The following EIF5B variants were observed in gnomAD, a reference collection of about 807,000 sequenced individuals.
The protein encoded by EIF5B is eukaryotic translation initiation factor 5B, also known as eIF-5B.
A neutral mutation model predicts 147.5 loss-of-function variants in EIF5B; 47 were observed. The observed-to-expected ratio is 0.32, with a 90% CI of 0.25 to 0.41. EIF5B has a LOEUF of 0.41. Ranked by LOEUF, EIF5B falls within the 10% of genes least tolerant of loss-of-function variation. The pLI is 1.00. For synonymous variants in EIF5B, 455 were observed against 456.2 expected (o/e 1.00, Z 0.03); for missense variants, 1,064 against 1,413.2 (o/e 0.75, Z 3.96).
chr2:99,350,390 T>C (rs1055619122), intron 1 of EIF5B, among the ~76,000 whole-genome samples: 1 of 121,724 alleles, frequency 8.2e-6, no homozygotes, highest in African/African-American at 3.1e-5. Context: ...TGTACTAATT[T>C]ACATTTCCCC....
At chr2:99,364,002 AT>A in intron 5 of EIF5B, 140 bp downstream of exon 5, 1 of 1,065,462 alleles carries the variant, frequency 9.4e-7, no homozygotes, top group Non-Finnish European at 1.3e-6. Flanking sequence ...GATACAAATA[AT>A]AAGATGAAGA....
chr2:99,353,005 C>CTTTTTTT (rs529053292), intron 1 of EIF5B, among the ~76,000 whole-genome samples: 3,517 of 62,690 alleles, frequency 0.056, 616 homozygotes, highest in Middle Eastern at 0.083. Flanking sequence ...TCTTCTTCTT[C>CTTTTTTT]TTTTTTTTTT....
Position 99,379,396 on chromosome 2 carries a change from G to A in EIF5B, c.2029G>A (p.Ala677Thr). ...QIGATNVPLEAINEQTKMIKN... is the reference protein window; with the variant it reads ...QIGATNVPLETINEQTKMIKN... ...TGGGGCCACCAATGTTCCTCTTGAA[G>A]CTATTAATGAACAGACTAAGATGAT... Residue 677 changes from alanine to threonine, a missense_variant, in exon 12 of 24, where the codon GCT becomes ACT. Around this residue, in one of 4 missense-constraint regions of EIF5B, gnomAD observed 380 missense variants for 715.6 expected, o/e 0.53. Transcript: ENST00000289371. The A allele has an allele frequency of 6.2e-7, 1 of 1,613,408 alleles. No homozygotes were observed. The highest frequency in any genetic ancestry group is 1.1e-5 in the South Asian group (1 of 91,026).
rs755143191 is a variant in EIF5B at position 99,398,895 on chromosome 2, A to G, written c.3541A>G (p.Ile1181Val). The part of the protein sequence containing the change: ...MFGRHFEATD[I>V]LVSKISRQSI... The stretch of plus-strand genomic sequence containing the variant: ...TGGAAGACATTTTGAAGCTACAGAT[A>G]TTCTTGTTAGTAAGGTAAGTATTTC... Residue 1181 changes from isoleucine to valine, a missense_variant, in exon 23 of 24, where the codon ATT becomes GTT. Physicochemically the swap from Ile to Val is conservative, Grantham distance 29. Transcript: ENST00000289371. 1 of 1,612,966 alleles carries G rather than the reference A, an allele frequency of 6.2e-7. No homozygotes were observed. The highest frequency in any genetic ancestry group is 1.1e-5 in the South Asian group (1 of 90,570).
At chr2:99,396,552 A>G (rs907946623) in intron 21 of EIF5B, among the ~76,000 whole-genome samples, 1 of 152,212 alleles carries the variant, frequency 6.6e-6, no homozygotes, top group Non-Finnish European at 1.5e-5. Flanking sequence ...GGGAAGCAAC[A>G]GAATGGGGAG....
At chr2:99,367,465 G>A (rs1271662132) in intron 6 of EIF5B, among the ~76,000 whole-genome samples, 1 of 148,922 alleles carries the variant, frequency 6.7e-6, no homozygotes, top group East Asian at 2.0e-4. Context: ...TTGAGACAGA[G>A]TTTCGCTATT....
intron 1 of EIF5B, among the ~76,000 whole-genome samples, chr2:99,342,860 C>T (rs954979367): frequency 2.0e-5 from 3 of 152,168 alleles, no homozygotes; most frequent in African/African-American, 7.2e-5. Context: ...TCTTCAGCTC[C>T]TGGCCTCAAG....
chr2:99,379,072 T>G lies in EIF5B; in HGVS notation c.1896T>G (p.Pro632=). ...KNVNTEKLRA[P]IICVLGHVDT... ...TAAACACCGAAAAGCTAAGAGCCCCTATTATCTGCGTACTTGGGCATGTGG... is the reference window on the plus strand; with the variant it reads ...TAAACACCGAAAAGCTAAGAGCCCCGATTATCTGCGTACTTGGGCATGTGG... Residue 632 remains proline (P), a synonymous_variant, in exon 11 of 24, where the codon CCT becomes CCG. Coordinates refer to ENST00000289371, the MANE Select transcript of EIF5B (RefSeq NM_015904.4). 6.2e-7 allele frequency: 1 copy of G among 1,606,024 alleles called. No homozygotes were observed. The highest frequency in any genetic ancestry group is 8.5e-7 in the Non-Finnish European group (1 of 1,176,986).
At chr2:99,384,597 T>G (rs1475879772) in intron 14 of EIF5B, among the ~76,000 whole-genome samples, 1 of 152,268 alleles carries the variant, frequency 6.6e-6, no homozygotes, top group Non-Finnish European at 1.5e-5. Flanking sequence ...TTCACCCTTC[T>G]GGATGTTATG....
chr2:99,388,436 G>T (rs201089607), intron 14 of EIF5B, among the ~76,000 whole-genome samples: 9 of 151,654 alleles, frequency 5.9e-5, no homozygotes, highest in South Asian at 2.1e-4. Flanking sequence ...TGTTTTTTTG[G>T]TTTTTTTGTC....
At chr2:99,384,611 A>T (rs1344652411) in intron 14 of EIF5B, among the ~76,000 whole-genome samples, 4 of 152,260 alleles carry the variant, frequency 2.6e-5, no homozygotes, top group African/African-American at 9.6e-5. Context: ...TGTTATGAAG[A>T]ACGTTCATGA....
intron 1 of EIF5B, among the ~76,000 whole-genome samples, chr2:99,359,949 A>C (rs1458861408): frequency 1.3e-5 from 2 of 152,124 alleles, no homozygotes; most frequent in East Asian, 3.8e-4. Flanking sequence ...CGCACAAAAA[A>C]CCTTTGGTAT....
intron 1 of EIF5B, among the ~76,000 whole-genome samples, chr2:99,347,386 T>C (rs1179077773): frequency 6.6e-6 from 1 of 152,220 alleles, no homozygotes; most frequent in Non-Finnish European, 1.5e-5. Context: ...TGAAAGATGA[T>C]GCCACGTTGT....
chr2:99,385,123 C>T (rs377322533), intron 14 of EIF5B, among the ~76,000 whole-genome samples: 43 of 152,176 alleles, frequency 2.8e-4, no homozygotes, highest in African/African-American at 9.4e-4. Context: ...CTCAGCTCAC[C>T]GCAACCTCTG....
rs1183729831 is a variant in EIF5B, at chr2:99,401,172, G to A, written c.*1758G>A. Reference sequence around the variant, plus strand: ...TAAAAACTCCGAGCATTACTATCATGCACTTTGCAAATACCTCACAAGCAC... The same window carrying A: ...TAAAAACTCCGAGCATTACTATCATACACTTTGCAAATACCTCACAAGCAC... On this transcript the variant is annotated 3_prime_UTR_variant, in exon 24 of 24. Transcript: ENST00000289371. 8 of 889,102 alleles carry A rather than the reference G, an allele frequency of 9.0e-6. No homozygotes were observed. The Admixed American group carries it at 1.5e-4, about 16-fold the overall frequency. The allele number at this position is 889,102 out of a possible 1,614,324, so 55.1% of individuals were successfully genotyped here.
rs186991625 is a variant in EIF5B at position 99,352,953 on chromosome 2, G to A, written c.36-7283G>A. ...TCCTCTCACCCTAGCCATTGGAGTA[G>A]CTGAAAGTACAGGCACATGCCACTA... On this transcript the variant is annotated intron_variant, in intron 1 of 23. Transcript: ENST00000289371. 6.8e-3 allele frequency among the ~76,000 whole-genome samples: 1,009 copies of A among 148,318 alleles called. 19 individuals are homozygous for A. Among genetic ancestry groups the A allele is most frequent in the Non-Finnish European group, 5.5e-3 (372 of 67,306 alleles).
chr2:99,401,011 TAAAC>T lies in EIF5B; in HGVS notation c.*1603_*1606del. 2 of 316,446 alleles carry T rather than the reference TAAAC, an allele frequency of 6.3e-6. No individual in the cohort carries two copies. The highest frequency in any genetic ancestry group is 6.3e-5 in the South Asian group (1 of 15,774). The allele number at this position is 316,446 out of a possible 1,614,324, so 19.6% of individuals were successfully genotyped here. ...CACTGTAAAAATCCATAAAACTTTA[TAAAC>T]AAACATTTTGTAAATAGAATCTATG... On this transcript the variant is annotated 3_prime_UTR_variant, in exon 24 of 24. Transcript: ENST00000289371.
At chr2:99,374,989 T>C (rs1674532986) in intron 9 of EIF5B, among the ~76,000 whole-genome samples, 1 of 152,182 alleles carries the variant, frequency 6.6e-6, no homozygotes, top group Admixed American at 6.5e-5. Flanking sequence ...CTTTCTATTC[T>C]GAGGTTAGAT....
intron 23 of EIF5B, 68 bp from the exon 24 acceptor site, chr2:99,399,238 TG>T: frequency 1.4e-6 from 2 of 1,466,280 alleles, no homozygotes; most frequent in Non-Finnish European, 1.9e-6. Context: ...AGCGGGCATC[TG>T]GGGCCACAGC....
Sources: allele counts gnomAD v4.1 joint callset (sites outside exome capture counted in the v4.1 genomes callset), GRCh38; gene constraint gnomAD v4.1.1; regional missense constraint gnomAD v4.1.1; transcripts MANE v1.5; gene names NCBI Gene and HGNC (gene_info 2026-07-23, HGNC 2026-07-21).